The following EYS variants were observed in gnomAD, a reference collection of about 807,000 sequenced individuals.
EYS encodes the protein EGF-like photoreceptor maintenance factor.
In EYS, 250 loss-of-function variants were observed where a neutral mutation model predicts 282.1. The ratio of observed to expected loss-of-function variants is 0.89; its 90% CI spans 0.80 to 0.98. EYS has a LOEUF of 0.98. Among genes scored for constraint, EYS ranks in the 50% least tolerant of loss-of-function variants. The pLI is 0.00. For synonymous variants in EYS, 1,355 were observed against 1,282.9 expected, an observed-to-expected ratio of 1.06 and a Z score of -1.20; for missense variants, 4,016 against 3,709.0, an observed-to-expected ratio of 1.08 and a Z score of -2.15.
chr6:64,246,379 C>T (rs984629158), intron 30 of EYS, among the ~76,000 whole-genome samples: 3 of 151,926 alleles, frequency 2.0e-5, no homozygotes, highest in Admixed American at 6.6e-5. Flanking sequence ...TTAAATCTTC[C>T]GTAAATTTCT....
In EYS at chr6:64,014,779, A is replaced by ATTT. The variant is rs57255670; in HGVS notation, c.6726-15599_6726-15597dup. On this transcript the variant is annotated intron_variant, in intron 33 of 42. Transcript: ENST00000503581. Reference sequence around the variant, plus strand: ...GGCTTGGCTTATTTAGTCTTTTTTTATTTTTTTTTTTTTTGGTTTCTGAGG... The same window carrying ATTT: ...GGCTTGGCTTATTTAGTCTTTTTTTATTTTTTTTTTTTTTTTTGGTTTCTGAGG... 2.8e-5 allele frequency among the ~76,000 whole-genome samples: 4 copies of ATTT among 144,276 alleles called. No individual in the cohort carries two copies. In the East Asian group the frequency reaches 8.3e-4, roughly 30 times the overall value. 94.7% of individuals were successfully genotyped at this position (144,276 alleles called of 152,430 possible). A position where few individuals can be genotyped will look rare whatever the true frequency, so the allele number is the denominator to read the frequency against.
intron 5 of EYS, among the ~76,000 whole-genome samples, chr6:65,435,810 C>A (rs780066456): frequency 4.6e-5 from 7 of 151,912 alleles, no homozygotes; most frequent in Non-Finnish European, 1.0e-4. Context: ...TGTGGGTGGG[C>A]CCTAATCCAA....
chr6:64,700,786 G>A (rs138107216), intron 22 of EYS, among the ~76,000 whole-genome samples: 102 of 151,856 alleles, frequency 6.7e-4, no homozygotes, highest in Non-Finnish European at 1.2e-3. Context: ...TGTTGTTAAC[G>A]TGGCCACACT....
intron 26 of EYS, among the ~76,000 whole-genome samples, chr6:64,566,067 G>A (rs549085459): frequency 6.6e-6 from 1 of 151,292 alleles, no homozygotes; most frequent in Non-Finnish European, 1.5e-5. Context: ...CTAAATACAT[G>A]GCTTTCTATA....
intron 24 of EYS, among the ~76,000 whole-genome samples, chr6:64,612,004 TA>T (rs2039717088): frequency 1.3e-5 from 2 of 152,104 alleles, no homozygotes; most frequent in Non-Finnish European, 2.9e-5. Flanking sequence ...TTATTAATAA[TA>T]TTGATGACTT....
At chr6:64,071,234 ATAATT>A (rs1006112230) in intron 32 of EYS, among the ~76,000 whole-genome samples, 53 of 152,176 alleles carry the variant, frequency 3.5e-4, no homozygotes, top group African/African-American at 1.2e-3. Context: ...AAATGAGAAA[ATAATT>A]TAATATTTAG....
intron 8 of EYS, among the ~76,000 whole-genome samples, chr6:65,376,176 T>C (rs1765357255): frequency 6.6e-6 from 1 of 152,128 alleles, no homozygotes; most frequent in African/African-American, 2.4e-5. Context: ...ACAGTGGGTC[T>C]CTCTGCACAA....
At chr6:64,359,510 C>G (rs1262616265) in intron 29 of EYS, among the ~76,000 whole-genome samples, 1 of 151,634 alleles carries the variant, frequency 6.6e-6, no homozygotes, top group Non-Finnish European at 1.5e-5. Flanking sequence ...AATCTGTCTT[C>G]CTATAACCAC....
At position 64,515,007 on chromosome 6, in the gene EYS, T is replaced by A. The variant is rs536022783; in HGVS notation, c.5644+75216A>T. Among the ~76,000 whole-genome samples the A allele has an allele frequency of 6.6e-5, 10 of 151,884 alleles. No individual in the cohort carries two copies. In the South Asian group the frequency reaches 1.9e-3, roughly 28 times the overall value. On this transcript the variant is annotated intron_variant, in intron 26 of 42. Transcript: ENST00000503581. ...TGCAATTTTTCTCTATTGTCATAAT[T>A]TTTTTGTTGAATTTATTTTCCACAC...
intron 30 of EYS, among the ~76,000 whole-genome samples, chr6:64,238,449 T>A (rs1282938797): frequency 6.6e-6 from 1 of 152,146 alleles, no homozygotes; most frequent in Non-Finnish European, 1.5e-5. Flanking sequence ...TATGGATGAA[T>A]TATATAGCGG....
intron 35 of EYS, among the ~76,000 whole-genome samples, chr6:63,938,193 TA>T (rs1161579548): frequency 6.6e-6 from 1 of 152,214 alleles, no homozygotes; most frequent in Non-Finnish European, 1.5e-5. Context: ...CAACCTCACC[TA>T]ATGCTACAGG....
At chr6:64,518,131 T>G (rs1169841143) in intron 26 of EYS, among the ~76,000 whole-genome samples, 1 of 152,004 alleles carries the variant, frequency 6.6e-6, no homozygotes, top group South Asian at 2.1e-4. Flanking sequence ...TTAAAAACAT[T>G]ATCCAAATTT....
At chr6:64,009,194 CTGAGT>C (rs1768487750) in intron 33 of EYS, among the ~76,000 whole-genome samples, 1 of 151,612 alleles carries the variant, frequency 6.6e-6, no homozygotes, top group Non-Finnish European at 1.5e-5. Flanking sequence ...TTTTGTCTGA[CTGAGT>C]TATTTTGAAG....
chr6:65,374,295 G>T (rs896794101), intron 8 of EYS, among the ~76,000 whole-genome samples: 1 of 152,086 alleles, frequency 6.6e-6, no homozygotes, highest in African/African-American at 2.4e-5. Context: ...TACATAAGGG[G>T]TCAGGGACCT....
chr6:64,263,564 C>G (rs1327291219), intron 30 of EYS, among the ~76,000 whole-genome samples: 1 of 152,078 alleles, frequency 6.6e-6, no homozygotes, highest in Non-Finnish European at 1.5e-5. Flanking sequence ...GATGTGTTTT[C>G]TCTTCTGCCT....
chr6:65,445,411 A>G (rs9345628), intron 5 of EYS, among the ~76,000 whole-genome samples: 28,073 of 151,774 alleles, frequency 0.18, 3,234 homozygotes, highest in Middle Eastern at 0.3. Context: ...AAATCAGAGC[A>G]ATAAATATTT....
intron 35 of EYS, among the ~76,000 whole-genome samples, chr6:63,926,992 A>C (rs1764734499): frequency 6.6e-6 from 1 of 152,200 alleles, no homozygotes; most frequent in African/African-American, 2.4e-5. Flanking sequence ...ATTTCACAAC[A>C]GCTTTGGGAG....
intron 19 of EYS, among the ~76,000 whole-genome samples, chr6:64,853,802 G>C (rs1006511116): frequency 8.5e-5 from 13 of 152,050 alleles, no homozygotes; most frequent in African/African-American, 3.1e-4. Flanking sequence ...GAACATCAGA[G>C]TGAACAGGCA....
intron 22 of EYS, among the ~76,000 whole-genome samples, chr6:64,794,429 C>G (rs1347115513): frequency 1.3e-5 from 2 of 152,108 alleles, no homozygotes; most frequent in Non-Finnish European, 2.9e-5. Context: ...AGAGTTTTCA[C>G]AAGATCTGGT....
Sources: allele counts gnomAD v4.1 joint callset (sites outside exome capture counted in the v4.1 genomes callset), GRCh38; gene constraint gnomAD v4.1.1; transcripts MANE v1.5; gene names NCBI Gene and HGNC (gene_info 2026-07-23, HGNC 2026-07-21).